Variants in MEIKIN observed in about 807,000 individuals in gnomAD.
MEIKIN encodes meiotic kinetochore factor.
intron 11 of MEIKIN, among the ~76,000 whole-genome samples, chr5:131,841,079 T>C (rs1219862942): frequency 6.6e-6 from 1 of 152,194 alleles, no homozygotes; most frequent in Non-Finnish European, 1.5e-5. Context: ...TGAGTTCAGT[T>C]GACTGGCTTT....
At chr5:131,904,954 G>A (rs928065487) in intron 8 of MEIKIN, among the ~76,000 whole-genome samples, 4 of 152,052 alleles carry the variant, frequency 2.6e-5, no homozygotes, top group African/African-American at 9.7e-5. Context: ...ATGGACACAG[G>A]GAGGGGAACA....
At chr5:131,860,245 A>G (rs1234087333) in intron 9 of MEIKIN, among the ~76,000 whole-genome samples, 1 of 144,144 alleles carries the variant, frequency 6.9e-6, no homozygotes, top group Non-Finnish European at 1.5e-5. Flanking sequence ...TTTTCCTTGT[A>G]GAGATCTTTC....
chr5:131,890,664 C>A (rs184134509), intron 8 of MEIKIN, among the ~76,000 whole-genome samples: 4,053 of 152,218 alleles, frequency 0.027, 188 homozygotes, highest in African/African-American at 0.092. Flanking sequence ...TTTCAAAAAA[C>A]CAGCTCCTGG....
chr5:131,883,178 T>C (rs1183856969), intron 8 of MEIKIN, among the ~76,000 whole-genome samples: 1 of 152,188 alleles, frequency 6.6e-6, no homozygotes, highest in Non-Finnish European at 1.5e-5. Context: ...ACTAAATTAA[T>C]GAACACTAAA....
intron 8 of MEIKIN, among the ~76,000 whole-genome samples, chr5:131,885,370 AGAGAGAGAGAGAGAGAG>A (rs1750771466): frequency 2.0e-5 from 1 of 49,162 alleles, no homozygotes; most frequent in African/African-American, 6.1e-5. Flanking sequence ...AGAGAGAGAG[AGAGAGAGAGAGAGAGAG>A]AGAGAGAGAG....
At chr5:131,917,735 T>C (rs1187588970) in intron 6 of MEIKIN, among the ~76,000 whole-genome samples, 2 of 152,130 alleles carry the variant, frequency 1.3e-5, no homozygotes, top group African/African-American at 2.4e-5. Context: ...ACCATGGGTA[T>C]AGTTGTCTAA....
Position 131,807,035 on chromosome 5 carries a change from TA to T in MEIKIN, c.*200del. The T allele has an allele frequency of 2.7e-6, 1 of 374,340 alleles. No individual in the cohort carries two copies. Among genetic ancestry groups the T allele is most frequent in the Non-Finnish European group, 4.7e-6 (1 of 211,692 alleles). 23.2% of individuals were successfully genotyped at this position (374,340 alleles called of 1,614,324 possible). Reference sequence around the variant, plus strand: ...TATAAATACATATATTTAAGAAGCATATGGAATAATTTTTTTTCTTAACTGA... The same window carrying T: ...TATAAATACATATATTTAAGAAGCATTGGAATAATTTTTTTTCTTAACTGA... On this transcript the variant is annotated 3_prime_UTR_variant, in exon 13 of 13. Transcript: ENST00000442687.
chr5:131,918,961 T>C (rs1029860747), intron 6 of MEIKIN, among the ~76,000 whole-genome samples: 3 of 152,116 alleles, frequency 2.0e-5, no homozygotes, highest in Non-Finnish European at 4.4e-5. Context: ...TGGGCTGGTA[T>C]GGGAGAAACA....
At chr5:131,902,488 G>GT (rs1324730888) in intron 8 of MEIKIN, among the ~76,000 whole-genome samples, 2 of 97,432 alleles carry the variant, frequency 2.1e-5, no homozygotes, top group Non-Finnish European at 3.5e-5. Flanking sequence ...CAGGAAGATG[G>GT]TTTCTTGTAC....
intron 8 of MEIKIN, among the ~76,000 whole-genome samples, chr5:131,906,577 A>G (rs933389584): frequency 1.4e-4 from 22 of 152,254 alleles, no homozygotes; most frequent in Middle Eastern, 3.4e-3. Context: ...CATATTTATC[A>G]CAGCATTATT....
intron 9 of MEIKIN, among the ~76,000 whole-genome samples, chr5:131,861,374 A>G (rs1416522411): frequency 6.6e-6 from 1 of 151,930 alleles, no homozygotes; most frequent in Non-Finnish European, 1.5e-5. Context: ...GGCAACAGAG[A>G]GAGACTCTGT....
intron 5 of MEIKIN, among the ~76,000 whole-genome samples, chr5:131,930,633 CTTTTT>C (rs765655684): frequency 4.6e-5 from 7 of 151,694 alleles, no homozygotes; most frequent in African/African-American, 7.3e-5. Context: ...TTCTTTTATT[CTTTTT>C]TATTTTTTTT....
chr5:131,856,503 GA>G (rs1750194820), intron 9 of MEIKIN, among the ~76,000 whole-genome samples: 1 of 152,152 alleles, frequency 6.6e-6, no homozygotes, highest in Non-Finnish European at 1.5e-5. Context: ...TCCAACACAA[GA>G]CTTTCATAAT....
chr5:131,905,722 G>C (rs1046042916), intron 8 of MEIKIN, among the ~76,000 whole-genome samples: 3 of 151,912 alleles, frequency 2.0e-5, no homozygotes, highest in African/African-American at 7.2e-5. Flanking sequence ...AAACAAAATA[G>C]AGAACCCAAA....
chr5:131,828,224 A>C (rs1749647884), intron 11 of MEIKIN, among the ~76,000 whole-genome samples: 1 of 152,080 alleles, frequency 6.6e-6, no homozygotes, highest in South Asian at 2.1e-4. Flanking sequence ...CGATCTCACA[A>C]TCTTGGCTCA....
At chr5:131,895,882 T>C (rs1416361103) in intron 8 of MEIKIN, among the ~76,000 whole-genome samples, 1 of 152,234 alleles carries the variant, frequency 6.6e-6, no homozygotes, top group African/African-American at 2.4e-5. Context: ...TGTCTCTATC[T>C]CCTTCAGTTC....
chr5:131,942,570 C>T, intron 4 of MEIKIN, 65 bp downstream of exon 4: 1 of 397,118 alleles, frequency 2.5e-6, no homozygotes, highest in Non-Finnish European at 4.4e-6. Flanking sequence ...GGGAGAGATA[C>T]AGATGGATGC....
intron 5 of MEIKIN, among the ~76,000 whole-genome samples, chr5:131,933,161 TAACA>T (rs1751717079): frequency 6.6e-6 from 1 of 152,194 alleles, no homozygotes; most frequent in African/African-American, 2.4e-5. Context: ...TTGGCCTAGC[TAACA>T]TTTAAGTTAT....
At position 131,859,487 on chromosome 5, in the gene MEIKIN, C is replaced by T. The variant is rs143540179; in HGVS notation, c.775-4653G>A. ...TTGATAGAGTGAGTTCTTACAAGAT[C>T]TGGTTGTTTAAAAGTATAGCATCTC... is the stretch of plus-strand genomic sequence containing the variant. On this transcript the variant is annotated intron_variant, in intron 9 of 12. Coordinates refer to ENST00000442687, the MANE Select transcript of MEIKIN (RefSeq NM_001303622.2). Among the ~76,000 whole-genome samples the T allele has an allele frequency of 1.3e-3, 191 of 152,212 alleles. 1 individual carries two copies. Among genetic ancestry groups the T allele is most frequent in the African/African-American group, 4.4e-3 (184 of 41,534 alleles).
Sources: gnomAD v4.1 joint callset for allele counts (sites outside exome capture counted in the v4.1 genomes callset) on GRCh38, gnomAD v4.1.1 for gene constraint, MANE v1.5 for transcripts, NCBI Gene and HGNC (gene_info 2026-07-23, HGNC 2026-07-21) for gene names.